The following PMM2 variants were observed in gnomAD, a reference collection of about 807,000 sequenced individuals.
The protein encoded by PMM2 is mannose-6-phosphate isomerase.
Under a neutral mutation model 33.2 loss-of-function variants are expected in PMM2, and 35 were observed. The observed-to-expected ratio is 1.06, with a 90% CI of 0.81 to 1.40. The LOEUF is 1.40. Ranked by LOEUF, PMM2 falls within the 40% of genes most tolerant of loss-of-function variation. The pLI, the probability that PMM2 is intolerant of heterozygous loss-of-function variation, is 0.00. For synonymous variants in PMM2, 153 were observed against 114.7 expected, an observed-to-expected ratio of 1.33 and a Z score of -2.13; for missense variants, 386 against 306.0, an observed-to-expected ratio of 1.26 and a Z score of -1.95.
At chr16:8,832,024 C>G in intron 7 of PMM2, 1 of 496,070 alleles carries the variant, frequency 2.0e-6, no homozygotes, top group Non-Finnish European at 2.6e-6. Flanking sequence ...ATATGCAAAT[C>G]CAGCATTTGA....
At chr16:8,845,446 A>G (rs868635867) in intron 7 of PMM2, among the ~76,000 whole-genome samples, 2 of 152,152 alleles carry the variant, frequency 1.3e-5, no homozygotes, top group African/African-American at 4.8e-5. Flanking sequence ...GCTTGGGCTC[A>G]GAGGCCTGAC....
intron 7 of PMM2, among the ~76,000 whole-genome samples, chr16:8,835,159 T>C (rs2060836470): frequency 6.7e-6 from 1 of 149,512 alleles, no homozygotes; most frequent in Non-Finnish European, 1.5e-5. Flanking sequence ...GGTCAAGTTG[T>C]TTGGACAGAA....
chr16:8,821,363 T>C (rs1432318513), intron 7 of PMM2, among the ~76,000 whole-genome samples: 2 of 152,170 alleles, frequency 1.3e-5, no homozygotes, highest in Non-Finnish European at 2.9e-5. Flanking sequence ...CTAGCCCACC[T>C]TCCTCCTGAG....
intron 7 of PMM2, among the ~76,000 whole-genome samples, chr16:8,817,406 A>G (rs956027699): frequency 1.3e-5 from 2 of 152,204 alleles, no homozygotes; most frequent in African/African-American, 4.8e-5. Flanking sequence ...GCTTGGTGCC[A>G]TTTCTTGTAG....
At chr16:8,808,148 C>G (rs765251873) in intron 4 of PMM2, 1 of 152,172 alleles carries the variant, frequency 6.6e-6, no homozygotes, top group African/African-American at 2.4e-5. Flanking sequence ...CTCAGCATCT[C>G]CAGCCAGAGT....
intron 7 of PMM2, chr16:8,829,121 A>G (rs2060795008): frequency 6.6e-6 from 1 of 152,170 alleles, no homozygotes; most frequent in Non-Finnish European, 1.5e-5. Context: ...GGGGATTTGT[A>G]TTCACAGCAC....
chr16:8,833,680 A>G (rs1249230738), intron 7 of PMM2, among the ~76,000 whole-genome samples: 4 of 151,012 alleles, frequency 2.6e-5, no homozygotes, highest in Non-Finnish European at 5.9e-5. Context: ...ATGTTAGAAG[A>G]AACATCTGTC....
At position 8,801,870 on chromosome 16, in the gene PMM2, A is replaced by T; in HGVS notation, c.138A>T (p.Gly46=). The change falls in exon 2 of 8, where the codon GGA becomes GGT. Residue 46 remains glycine (G), a synonymous_variant. Coordinates refer to ENST00000268261, the MANE Select transcript of PMM2 (RefSeq NM_000303.3). ...AGATCAAAATCGGAGTGGTAGGCGGATCGGACTTTGAGAAAGTGCAGGAGC... is the reference window on the plus strand; with the variant it reads ...AGATCAAAATCGGAGTGGTAGGCGGTTCGGACTTTGAGAAAGTGCAGGAGC... ...RQKIKIGVVG[G]SDFEKVQEQL... The T allele has an allele frequency of 6.2e-7, 1 of 1,612,188 alleles. No individual in the cohort carries two copies. Among genetic ancestry groups the T allele is most frequent in the South Asian group, 1.1e-5 (1 of 90,984 alleles).
intron 7 of PMM2, among the ~76,000 whole-genome samples, chr16:8,842,009 G>A (rs565704440): frequency 4.6e-5 from 7 of 151,362 alleles, no homozygotes; most frequent in South Asian, 2.1e-4. Flanking sequence ...AGCGGCAGCC[G>A]CTGCACGCAG....
intron 1 of PMM2, among the ~76,000 whole-genome samples, chr16:8,800,386 G>T (rs1300011356): frequency 6.6e-6 from 1 of 150,634 alleles, no homozygotes; most frequent in African/African-American, 2.4e-5. Context: ...AAGACATTCA[G>T]TGTAAATGTA....
chr16:8,813,127 G>A (rs2060687235), intron 7 of PMM2, 21 bp downstream of exon 7: 2 of 1,420,932 alleles, frequency 1.4e-6, no homozygotes, highest in Non-Finnish European at 2.0e-6. Context: ...AAGTGTTTGT[G>A]CACCTTCATT....
Position 8,837,065 on chromosome 16 carries a change from G to A in PMM2, c.640-10659G>A, listed in dbSNP as rs112430248. Among the ~76,000 whole-genome samples, 453 of 151,818 alleles carry A rather than the reference G, an allele frequency of 3.0e-3. 4 individuals carry two copies. The highest frequency in any genetic ancestry group is 0.01 in the African/African-American group (427 of 41,494). On this transcript the variant is annotated intron_variant, in intron 7 of 7. Coordinates refer to ENST00000268261, the MANE Select transcript of PMM2 (RefSeq NM_000303.3). ...GGAACCTAGCTCAGCCTGGCGAGGA[G>A]GAGAGGTCAGATGGGTCTGTAGAAA...
At chr16:8,827,748 A>T (rs944056347) in intron 7 of PMM2, among the ~76,000 whole-genome samples, 8 of 48,938 alleles carry the variant, frequency 1.6e-4, no homozygotes, top group African/African-American at 5.4e-4. Flanking sequence ...ATATATATAT[A>T]TATATATATA....
intron 1 of PMM2, among the ~76,000 whole-genome samples, chr16:8,798,723 C>T (rs941217426): frequency 6.6e-6 from 1 of 152,154 alleles, no homozygotes; most frequent in Non-Finnish European, 1.5e-5. Context: ...TTACGATCAG[C>T]CTTGAGGTGA....
At chr16:8,815,644 C>T (rs2313561) in intron 7 of PMM2, among the ~76,000 whole-genome samples, 135,058 of 152,204 alleles carry the variant, frequency 0.89, 60,391 homozygotes, top group East Asian at 0.97. Flanking sequence ...AGATACCTCT[C>T]TGAGATCCTG....
chr16:8,802,147 T>A (rs900242028), intron 2 of PMM2: 5 of 515,592 alleles, frequency 9.7e-6, no homozygotes, highest in Non-Finnish European at 1.9e-5. Context: ...CCTAGAAAGG[T>A]CAGTGGCTGT....
At chr16:8,804,013 G>GGGTT (rs2060630165) in intron 2 of PMM2, among the ~76,000 whole-genome samples, 1 of 92,320 alleles carries the variant, frequency 1.1e-5, no homozygotes, top group Non-Finnish European at 2.1e-5. Context: ...TTTGTTTTTT[G>GGGTT]TTTTTTGGGT....
At chr16:8,815,969 A>AC (rs2044825135) in intron 7 of PMM2, among the ~76,000 whole-genome samples, 1 of 152,150 alleles carries the variant, frequency 6.6e-6, no homozygotes, top group African/African-American at 2.4e-5. Context: ...AAAAAAAAAA[A>AC]CAATTTAAAA....
chr16:8,846,798 T>G (rs2060928535), intron 7 of PMM2, among the ~76,000 whole-genome samples: 1 of 152,198 alleles, frequency 6.6e-6, no homozygotes, highest in Non-Finnish European at 1.5e-5. Flanking sequence ...AACCAGCATC[T>G]GACCCAGGCC....
Sources: allele counts gnomAD v4.1 joint callset (sites outside exome capture counted in the v4.1 genomes callset), GRCh38; gene constraint gnomAD v4.1.1; transcripts MANE v1.5; gene names NCBI Gene and HGNC (gene_info 2026-07-23, HGNC 2026-07-21).